The following LEPR variants were observed in gnomAD, a reference collection of about 807,000 sequenced individuals.
LEPR encodes the protein OB receptor.
LEPR carries 56 observed loss-of-function variants against 114.7 expected under a neutral mutation model. That is an observed-to-expected ratio of 0.49 (90% CI 0.39 to 0.61). LEPR has a LOEUF of 0.61. Ranked by LOEUF, LEPR falls within the 20% of genes least tolerant of loss-of-function variation. The probability of loss-of-function intolerance (pLI) is 0.00; values close to 1 mark genes in which losing one functional copy is unlikely to be tolerated. For synonymous variants in LEPR, 443 were observed against 461.4 expected, an observed-to-expected ratio of 0.96 and a Z score of 0.51; for missense variants, 1,202 against 1,352.9, an observed-to-expected ratio of 0.89 and a Z score of 1.75.
intron 5 of LEPR, among the ~76,000 whole-genome samples, chr1:65,573,211 A>C (rs1374200258): frequency 1.3e-5 from 2 of 152,182 alleles, no homozygotes; most frequent in Non-Finnish European, 2.9e-5. Flanking sequence ...AGATGGAGTT[A>C]TATGCCTGCG....
Position 65,619,942 on chromosome 1 carries a change from A to G in LEPR, c.2410A>G (p.Ile804Val), listed in dbSNP as rs1299600168. ...TTTCTCCTCAGATCATTTTATCCCC[A>G]TTGAGAAGTACCAGTTCAGTCTTTA... ...KYYIHDHFIPIEKYQFSLYPI... is the reference protein window; with the variant it reads ...KYYIHDHFIPVEKYQFSLYPI... Residue 804 changes from isoleucine (I) to valine (V), a missense_variant, in exon 17 of 20, where the codon ATT (isoleucine) becomes GTT (valine). Transcript: ENST00000349533. 3 of 1,612,090 alleles carry G rather than the reference A, an allele frequency of 1.9e-6. No individual in the cohort carries two copies. The highest frequency in any genetic ancestry group is 1.3e-5 in the African/African-American group (1 of 74,850).
In LEPR at chr1:65,638,434, A is replaced by T. The variant is rs1374685796; in HGVS notation, c.*1419A>T. The T allele has an allele frequency of 6.6e-6, 1 of 152,212 alleles. No homozygotes were observed. Among genetic ancestry groups the T allele is most frequent in the African/African-American group, 2.4e-5 (1 of 41,464 alleles). The allele number at this position is 152,212 out of a possible 1,614,324, so 9.4% of individuals were successfully genotyped here. On this transcript the variant is annotated 3_prime_UTR_variant, in exon 20 of 20. Transcript: ENST00000349533. ...CTGCACATTTGGATGTTCAGTGGCA[A>T]GAAGACCTTCAAGAATATCAGTATC...
chr1:65,547,488 T>C (rs1651853484), intron 2 of LEPR, among the ~76,000 whole-genome samples: 2 of 151,876 alleles, frequency 1.3e-5, no homozygotes, highest in African/African-American at 4.8e-5. Flanking sequence ...TTTCAGATCC[T>C]GTTATTGGTC....
At chr1:65,517,758 C>G (rs976247503) in intron 2 of LEPR, among the ~76,000 whole-genome samples, 47 of 152,302 alleles carry the variant, frequency 3.1e-4, no homozygotes, top group African/African-American at 1.0e-3. Context: ...CATAATTTAG[C>G]CTCTATTTAA....
At chr1:65,604,618 T>C (rs1570798923) in intron 10 of LEPR, among the ~76,000 whole-genome samples, 3 of 152,294 alleles carry the variant, frequency 2.0e-5, no homozygotes, top group Non-Finnish European at 1.5e-5. Flanking sequence ...CACCGGGCCT[T>C]CTGCCTGTCT....
Position 65,570,611 on chromosome 1 carries a change from C to T in LEPR, c.179C>T (p.Ser60Leu), listed in dbSNP as rs1433955773. 2.5e-5 allele frequency: 40 copies of T among 1,613,950 alleles called. No individual in the cohort carries two copies. Among genetic ancestry groups the T allele is most frequent in the African/African-American group, 4.0e-5 (3 of 75,034 alleles). Residue 60 changes from serine (S) to leucine (L), a missense_variant, in exon 4 of 20, where the codon TCG becomes TTG. Transcript: ENST00000349533. ...GGACTCTCAAAGAATACTTCAAATT[C>T]GAATGGACATTATGAGACAGCTGTT... ...PAGLSKNTSN[S>L]NGHYETAVEP...
At chr1:65,598,258 A>G (rs1208161255) in intron 7 of LEPR, among the ~76,000 whole-genome samples, 1 of 151,824 alleles carries the variant, frequency 6.6e-6, no homozygotes, top group African/African-American at 2.4e-5. Flanking sequence ...AAGACTTTTC[A>G]TGCTCTTCTG....
intron 14 of LEPR, among the ~76,000 whole-genome samples, chr1:65,615,319 A>G (rs1657463484): frequency 1.3e-5 from 2 of 152,186 alleles, no homozygotes; most frequent in South Asian, 2.1e-4. Flanking sequence ...AATGGGGTAC[A>G]CTGTTAACCT....
At chr1:65,431,835 A>G in intron 2 of LEPR, 4 of 1,613,968 alleles carry the variant, frequency 2.5e-6, no homozygotes, top group East Asian at 4.5e-5. Flanking sequence ...TTGTGTTGGC[A>G]GGCAATGCAG....
intron 2 of LEPR, among the ~76,000 whole-genome samples, chr1:65,550,143 C>T (rs1652182620): frequency 6.6e-6 from 1 of 152,182 alleles, no homozygotes; most frequent in Non-Finnish European, 1.5e-5. Flanking sequence ...TCGTGAACCG[C>T]GAATGCTGCT....
chr1:65,622,634 C>G (rs1399565949), intron 18 of LEPR, among the ~76,000 whole-genome samples: 2 of 152,130 alleles, frequency 1.3e-5, no homozygotes, highest in Non-Finnish European at 2.9e-5. Flanking sequence ...ATTTCAATTT[C>G]TTTGAGAGAA....
intron 2 of LEPR, chr1:65,525,599 C>T: frequency 1.0e-6 from 1 of 983,094 alleles, no homozygotes; most frequent in Non-Finnish European, 1.2e-6. Context: ...CCGACTCTTC[C>T]CTCCCTTCTC....
rs545544777 is a variant in LEPR at position 65,455,393 on chromosome 1, T to G, written c.-21+30015T>G. Among the ~76,000 whole-genome samples, 16 of 152,340 alleles carry G rather than the reference T, an allele frequency of 1.1e-4. No individual in the cohort carries two copies. In the East Asian group the frequency reaches 3.1e-3, roughly 29 times the overall value. On this transcript the variant is annotated intron_variant, in intron 2 of 19. Coordinates refer to ENST00000349533, the MANE Select transcript of LEPR (RefSeq NM_002303.6). ...AGAGTTCCCAGTTTTTCTGCTCTGT[T>G]TTTCCCCATCTTTGTGGTTTTATGT...
chr1:65,434,179 T>C, intron 2 of LEPR: 1 of 983,522 alleles, frequency 1.0e-6, no homozygotes, highest in Non-Finnish European at 1.2e-6. Context: ...GCTCTATGTC[T>C]GAAAAGAGAG....
Position 65,633,263 on chromosome 1 carries a change from G to T in LEPR, c.2674-2928G>T, listed in dbSNP as rs1658596994. 6.4e-7 allele frequency: 1 copy of T among 1,554,174 alleles called. No individual in the cohort carries two copies. Among genetic ancestry groups the T allele is most frequent in the Non-Finnish European group, 8.7e-7 (1 of 1,154,936 alleles). On this transcript the variant is annotated intron_variant, in intron 19 of 19. Coordinates refer to ENST00000349533, the MANE Select transcript of LEPR (RefSeq NM_002303.6). The surrounding 1 kb of genome is among the most constrained non-coding windows in gnomAD (Gnocchi z 4.1). ...GATTTTTACATTTTGAAGAAGGGGA[G>T]CAAATCTAAAAAAAATTCAGTTGAA...
chr1:65,558,435 G>A (rs1311449776), intron 2 of LEPR, among the ~76,000 whole-genome samples: 1 of 140,652 alleles, frequency 7.1e-6, no homozygotes, highest in Non-Finnish European at 1.5e-5. Context: ...TTATCATGTG[G>A]TGCCAATTCT....
intron 2 of LEPR, among the ~76,000 whole-genome samples, chr1:65,507,046 G>A (rs759785322): frequency 2.0e-5 from 3 of 151,920 alleles, no homozygotes; most frequent in Non-Finnish European, 4.4e-5. Flanking sequence ...GTCTAGCCAC[G>A]CCTGGCTTAT....
chr1:65,454,673 C>T (rs922182015), intron 2 of LEPR, among the ~76,000 whole-genome samples: 2 of 152,118 alleles, frequency 1.3e-5, no homozygotes, highest in Non-Finnish European at 2.9e-5. Context: ...GATGGGCTTC[C>T]CTTTGTGGGT....
At chr1:65,518,831 GCTTTTTT>G (rs1462954503) in intron 2 of LEPR, among the ~76,000 whole-genome samples, 10 of 151,100 alleles carry the variant, frequency 6.6e-5, no homozygotes, top group African/African-American at 1.2e-4. Flanking sequence ...CTAGCAGCCA[GCTTTTTT>G]CTTTTTTCTT....
Sources: allele counts gnomAD v4.1 joint callset (sites outside exome capture counted in the v4.1 genomes callset), GRCh38; gene constraint gnomAD v4.1.1; non-coding constraint Gnocchi (gnomAD v3.1); transcripts MANE v1.5; gene names NCBI Gene and HGNC (gene_info 2026-07-23, HGNC 2026-07-21).